Variants in SMAD6 observed in about 807,000 individuals in gnomAD.
The protein encoded by SMAD6 is SMAD family member 6.
A neutral mutation model predicts 39.4 loss-of-function variants in SMAD6; 103 were observed. That is an observed-to-expected ratio of 2.62 (90% CI 2.23 to 3.08). SMAD6 has a LOEUF of 3.08. Ranked by LOEUF, SMAD6 falls within the 30% of genes most tolerant of loss-of-function variation. The pLI is 0.00. For missense variants in SMAD6, 1,104 were observed against 742.9 expected, an observed-to-expected ratio of 1.49 and a Z score of -5.65; for synonymous variants, 445 against 353.3, an observed-to-expected ratio of 1.26 and a Z score of -2.91.
intron 3 of SMAD6, among the ~76,000 whole-genome samples, chr15:66,749,868 A>G (rs1047331646): frequency 1.3e-5 from 2 of 152,112 alleles, no homozygotes; most frequent in African/African-American, 4.8e-5. Flanking sequence ...TTGGGCATGG[A>G]CAGTTGTTCA....
At chr15:66,722,553 C>T (rs1374630588) in intron 3 of SMAD6, among the ~76,000 whole-genome samples, 1 of 152,080 alleles carries the variant, frequency 6.6e-6, no homozygotes, top group Admixed American at 6.5e-5. Context: ...CCAATTGTGG[C>T]CAGCACCACC....
At position 66,718,361 on chromosome 15, in the gene SMAD6, T is replaced by C. The variant is rs1893371554; in HGVS notation, c.952+1863T>C. ...TGTTGCCTTTGGGCCTCACTGGGCC[T>C]GTGTCTGAGATTTCCGACCGGATAT... On this transcript the variant is annotated intron_variant, in intron 3 of 3. Transcript: ENST00000288840. 2.0e-5 allele frequency among the ~76,000 whole-genome samples: 3 copies of C among 152,264 alleles called. No individual in the cohort carries two copies. In the South Asian group the frequency reaches 6.2e-4, roughly 32 times the overall value.
At chr15:66,740,380 CACATCTGATCCTTAGT>C (rs1893792590) in intron 3 of SMAD6, 1 of 152,210 alleles carries the variant, frequency 6.6e-6, no homozygotes, top group Non-Finnish European at 1.5e-5. Context: ...GAGAAGGAGA[CACATCTGATCCTTAGT>C]ACATGCTGGC....
intron 3 of SMAD6, among the ~76,000 whole-genome samples, chr15:66,748,181 ATGTGTGCTTGG>A (rs1379401030): frequency 6.6e-6 from 1 of 151,994 alleles, no homozygotes; most frequent in African/African-American, 2.4e-5. Context: ...TTGAAAAAAT[ATGTGTGCTTGG>A]TGATTTCTTC....
At chr15:66,774,224 A>G (rs921963590) in intron 3 of SMAD6, among the ~76,000 whole-genome samples, 15 of 152,210 alleles carry the variant, frequency 9.9e-5, no homozygotes, top group Non-Finnish European at 1.9e-4. Flanking sequence ...CATGCAGCCC[A>G]CGGGGGAGCA....
chr15:66,737,492 C>T (rs533821315), intron 3 of SMAD6, among the ~76,000 whole-genome samples: 1 of 152,228 alleles, frequency 6.6e-6, no homozygotes, highest in African/African-American at 2.4e-5. Flanking sequence ...TAGTGCCTGG[C>T]ATGGTGTAGG....
At chr15:66,770,941 A>C (rs1227938106) in intron 3 of SMAD6, among the ~76,000 whole-genome samples, 1 of 152,204 alleles carries the variant, frequency 6.6e-6, no homozygotes, top group Admixed American at 6.5e-5. Flanking sequence ...TGGAGGAGAT[A>C]GCTCTACCAC....
At position 66,736,881 on chromosome 15, in the gene SMAD6, G is replaced by A. The variant is rs1043188749; in HGVS notation, c.952+20383G>A. Among the ~76,000 whole-genome samples, 21 of 152,228 alleles carry A rather than the reference G, an allele frequency of 1.4e-4. No individual in the cohort carries two copies. The East Asian group carries it at 2.5e-3, about 18-fold the overall frequency. On this transcript the variant is annotated intron_variant, in intron 3 of 3. Transcript: ENST00000288840. ...GACGGGGTTTCACCATGTTGGCCAG[G>A]ATGGTCTCAATCTCTCGACCTCATG...
intron 3 of SMAD6, among the ~76,000 whole-genome samples, chr15:66,780,336 A>G (rs557088925): frequency 7.9e-5 from 12 of 152,262 alleles, no homozygotes; most frequent in African/African-American, 2.9e-4. Context: ...CCACTGCTCC[A>G]GGCCGGAAGG....
intron 3 of SMAD6, among the ~76,000 whole-genome samples, chr15:66,761,605 C>A (rs779783019): frequency 6.6e-6 from 1 of 152,154 alleles, no homozygotes; most frequent in Non-Finnish European, 1.5e-5. Context: ...GTATCTAGGA[C>A]GGGGGGCCCT....
chr15:66,758,664 T>G (rs1595791837), intron 3 of SMAD6, among the ~76,000 whole-genome samples: 1 of 151,290 alleles, frequency 6.6e-6, no homozygotes, highest in East Asian at 1.9e-4. Context: ...GGAGGCAGAG[T>G]TTGTAGTGAG....
chr15:66,749,315 A>G (rs1438284817), intron 3 of SMAD6, among the ~76,000 whole-genome samples: 1 of 152,114 alleles, frequency 6.6e-6, no homozygotes, highest in Non-Finnish European at 1.5e-5. Context: ...AAAATTAGCC[A>G]GGCATGGTGG....
At chr15:66,773,464 A>G (rs1377041172) in intron 3 of SMAD6, among the ~76,000 whole-genome samples, 1 of 152,178 alleles carries the variant, frequency 6.6e-6, no homozygotes, top group Non-Finnish European at 1.5e-5. Flanking sequence ...ACCTGAAGCC[A>G]TTTCTGCAGC....
chr15:66,742,286 C>T (rs1234368038), intron 3 of SMAD6, among the ~76,000 whole-genome samples: 1 of 152,206 alleles, frequency 6.6e-6, no homozygotes, highest in Non-Finnish European at 1.5e-5. Context: ...CGCGTGCCCT[C>T]TGGTCCTTAT....
At chr15:66,710,886 G>C (rs1893213693) in intron 1 of SMAD6, among the ~76,000 whole-genome samples, 1 of 152,198 alleles carries the variant, frequency 6.6e-6, no homozygotes. Flanking sequence ...GGGAGACTGA[G>C]GCCAACAGCT....
chr15:66,746,517 G>A (rs1448601627), intron 3 of SMAD6, among the ~76,000 whole-genome samples: 1 of 152,124 alleles, frequency 6.6e-6, no homozygotes, highest in African/African-American at 2.4e-5. Flanking sequence ...GGGGGGTGGG[G>A]GGTCCTGGTG....
At chr15:66,749,046 G>C (rs1346729103) in intron 3 of SMAD6, among the ~76,000 whole-genome samples, 1 of 152,194 alleles carries the variant, frequency 6.6e-6, no homozygotes, top group African/African-American at 2.4e-5. Context: ...AGAGTGGGCT[G>C]GGTGTGGTGG....
At chr15:66,777,647 G>T (rs78885261) in intron 3 of SMAD6, among the ~76,000 whole-genome samples, 2,935 of 152,238 alleles carry the variant, frequency 0.019, 36 homozygotes, top group Non-Finnish European at 0.028. Flanking sequence ...TAGACCAACT[G>T]GGGGGCACTG....
chr15:66,733,558 A>G (rs1893666234), intron 3 of SMAD6, among the ~76,000 whole-genome samples: 1 of 152,188 alleles, frequency 6.6e-6, no homozygotes, highest in South Asian at 2.1e-4. Flanking sequence ...GTTATTGTAA[A>G]TGTTACTTTT....
Sources: allele counts gnomAD v4.1 joint callset (sites outside exome capture counted in the v4.1 genomes callset), GRCh38; gene constraint gnomAD v4.1.1; transcripts MANE v1.5; gene names NCBI Gene and HGNC (gene_info 2026-07-23, HGNC 2026-07-21).